The following LRRC9 variants were observed in gnomAD, a reference collection of about 807,000 sequenced individuals.
The protein encoded by LRRC9 is leucine-rich repeat-containing protein 9.
In LRRC9, 122 loss-of-function variants were observed where a neutral mutation model predicts 63.2. The observed-to-expected ratio is 1.93, with a 90% confidence interval of 1.67 to 2.24. The LOEUF is 2.24. LRRC9 is among the 30% of genes most tolerant of loss of function. LRRC9 has a pLI of 0.00. For synonymous variants in LRRC9, 366 were observed against 213.1 expected (o/e 1.72, Z -6.25); for missense variants, 1,071 against 627.7 (o/e 1.71, Z -7.55).
chr14:60,025,697 A>C (rs924349379), intron 27 of LRRC9, among the ~76,000 whole-genome samples: 4 of 151,794 alleles, frequency 2.6e-5, no homozygotes, highest in Non-Finnish European at 5.9e-5. Context: ...AAAAAAAAGA[A>C]AGTGACATTC....
At chr14:60,037,138 G>A (rs1892510459) in intron 29 of LRRC9, among the ~76,000 whole-genome samples, 1 of 152,108 alleles carries the variant, frequency 6.6e-6, no homozygotes, top group African/African-American at 2.4e-5. Flanking sequence ...GTGTATATGT[G>A]CCACATTTTC....
At chr14:59,996,696 A>G (rs1888829738) in intron 17 of LRRC9, among the ~76,000 whole-genome samples, 1 of 152,220 alleles carries the variant, frequency 6.6e-6, no homozygotes, top group Admixed American at 6.5e-5. Flanking sequence ...GTATTTGAGA[A>G]AATGGGTATT....
Position 60,058,713 on chromosome 14 carries a change from C to T in LRRC9, c.4276+691C>T, listed in dbSNP as rs2140462714. 6.6e-6 allele frequency among the ~76,000 whole-genome samples: 1 copy of T among 152,246 alleles called. No individual in the cohort carries two copies. Among genetic ancestry groups the T allele is most frequent in the South Asian group, 2.1e-4 (1 of 4,828 alleles). On this transcript the variant is annotated intron_variant, in intron 31 of 31. Coordinates refer to ENST00000445360, the Ensembl canonical transcript of LRRC9. This position sits in a 1 kb window ranked among gnomAD's most constrained non-coding sequence, Gnocchi z 4.4. The stretch of plus-strand genomic sequence containing the variant: ...TCACCTCTTCCAGTCCTTCTGACTT[C>T]CCATTTGTCCTCAGACCACTCTTAG...
chr14:60,009,088 T>C (rs986270339), intron 23 of LRRC9, among the ~76,000 whole-genome samples: 3 of 152,234 alleles, frequency 2.0e-5, no homozygotes, highest in African/African-American at 7.2e-5. Flanking sequence ...AAGATGTTGT[T>C]GAGGATCTTA....
chr14:59,938,288 T>G lies in LRRC9; in HGVS notation c.544-102T>G, dbSNP rs1018765534. On this transcript the variant is annotated intron_variant, in intron 6 of 31. Transcript: ENST00000445360. This position sits in a 1 kb window ranked among gnomAD's most constrained non-coding sequence, Gnocchi z 4.2. ...AATCACTTTAATGTATTTAAGCGCA[T>G]AATTAGAATGCATTAGACTATGGCT... The G allele has an allele frequency of 6.0e-6, 3 of 504,034 alleles. No homozygotes were observed. In the African/African-American group the frequency reaches 6.0e-5, roughly 10 times the overall value. 31.2% of individuals were successfully genotyped at this position (504,034 alleles called of 1,614,324 possible).
chr14:59,928,992 C>A (rs1269473002), intron 3 of LRRC9, among the ~76,000 whole-genome samples: 1 of 152,074 alleles, frequency 6.6e-6, no homozygotes, highest in African/African-American at 2.4e-5. Flanking sequence ...TAGGCAATAT[C>A]ATTCTGGACA....
exon 24 of LRRC9, chr14:60,016,714 G>A (rs766027508): frequency 1.4e-6 from 1 of 701,400 alleles, no homozygotes; most frequent in Non-Finnish European, 2.6e-6. Flanking sequence ...ACTTACTTCT[G>A]ACATGATTGC....
Position 60,058,586 on chromosome 14 carries a change from T to A in LRRC9, c.4276+564T>A. ...CATGGAAGTGGTTTATTCTGCTATA[T>A]AAATTTTAGTTCAAGTTTAGAATAA... On this transcript the variant is annotated intron_variant, in intron 31 of 31. Transcript: ENST00000445360. This position sits in a 1 kb window ranked among gnomAD's most constrained non-coding sequence, Gnocchi z 4.4. Among the ~76,000 whole-genome samples the A allele has an allele frequency of 6.6e-6, 1 of 152,296 alleles. No individual in the cohort carries two copies. The highest frequency in any genetic ancestry group is 1.9e-4 in the East Asian group (1 of 5,186).
chr14:59,930,549 T>C lies in LRRC9; in HGVS notation c.268-369T>C, dbSNP rs2139776849. On this transcript the variant is annotated intron_variant, in intron 3 of 31. Coordinates refer to ENST00000445360, the Ensembl canonical transcript of LRRC9. The surrounding 1 kb of genome is among the most constrained non-coding windows in gnomAD (Gnocchi z 4.9). ...ATTTAAAGAGTCCCACAAAATTGTG[T>C]GTGCATTAGGATTATAAAGTGCTTA... Among the ~76,000 whole-genome samples the C allele has an allele frequency of 6.6e-6, 1 of 152,014 alleles. No homozygotes were observed. Among genetic ancestry groups the C allele is most frequent in the South Asian group, 2.1e-4 (1 of 4,818 alleles).
chr14:60,057,109 A>G (rs985287080), intron 30 of LRRC9, among the ~76,000 whole-genome samples: 4 of 152,180 alleles, frequency 2.6e-5, no homozygotes, highest in African/African-American at 9.6e-5. Flanking sequence ...GTATGAGGTT[A>G]AATAGGTAAT....
rs1488385804 is a variant in LRRC9, at chr14:59,967,332, T to C, written c.1506+119T>C. On this transcript the variant is annotated intron_variant, in intron 12 of 31. Transcript: ENST00000445360. ...TTTATAGTAAATTTCTACTGCTGTTTCACAAAAAGCTTAGTGTTATCATGG... is the reference window on the plus strand; with the variant it reads ...TTTATAGTAAATTTCTACTGCTGTTCCACAAAAAGCTTAGTGTTATCATGG... 6.4e-6 allele frequency: 3 copies of C among 465,496 alleles called. No homozygotes were observed. In the East Asian group the frequency reaches 8.9e-5, roughly 14 times the overall value. 28.8% of individuals were successfully genotyped at this position (465,496 alleles called of 1,614,324 possible).
At chr14:59,947,193 A>G (rs955039089) in intron 8 of LRRC9, among the ~76,000 whole-genome samples, 1 of 151,398 alleles carries the variant, frequency 6.6e-6, no homozygotes, top group Non-Finnish European at 1.5e-5. Flanking sequence ...TTTAATGATC[A>G]CCATTCTAAC....
chr14:59,930,958 T>G lies in LRRC9; in HGVS notation c.308T>G (p.Leu103Arg). ...CAAGAATGTAGAAATTTGGAAAAAC[T>G]ATATTTATATTTTAATAAAATTTCC... The change falls in exon 4 of 32, where the codon CTA becomes CGA. Residue 103 changes from leucine (L) to arginine (R), a missense_variant. By Grantham distance (102) the Leu-to-Arg change is moderately radical. Transcript: ENST00000445360. The surrounding 1 kb of genome is among the most constrained non-coding windows in gnomAD (Gnocchi z 4.9). The G allele has an allele frequency of 2.2e-6, 1 of 451,826 alleles. No homozygotes were observed. Among genetic ancestry groups the G allele is most frequent in the South Asian group, 2.9e-5 (1 of 34,176 alleles). The allele number at this position is 451,826 out of a possible 1,614,324, so 28.0% of individuals were successfully genotyped here. A position where few individuals can be genotyped will look rare whatever the true frequency, so the allele number is the denominator to read the frequency against.
intron 27 of LRRC9, among the ~76,000 whole-genome samples, chr14:60,026,186 T>TAAAAGCAC (rs1891538034): frequency 2.0e-5 from 3 of 152,112 alleles, no homozygotes; most frequent in African/African-American, 7.2e-5. Context: ...TGTATGTGCT[T>TAAAAGCAC]ACTTAAAAGT....
At chr14:60,049,822 T>TTC (rs1378307976) in intron 29 of LRRC9, among the ~76,000 whole-genome samples, 4 of 152,224 alleles carry the variant, frequency 2.6e-5, no homozygotes, top group African/African-American at 9.6e-5. Flanking sequence ...GTTGGGGAAG[T>TTC]TCTCCTAGAT....
intron 27 of LRRC9, among the ~76,000 whole-genome samples, chr14:60,025,041 G>T (rs1566886539): frequency 1.3e-5 from 2 of 148,346 alleles, no homozygotes; most frequent in Admixed American, 1.3e-4. Context: ...TTGTTTTTGT[G>T]TTTTTTTCGG....
intron 16 of LRRC9, 122 bp from the exon 17 acceptor site, chr14:59,984,983 C>G: frequency 2.3e-6 from 1 of 428,636 alleles, no homozygotes; most frequent in African/African-American, 2.0e-5. Flanking sequence ...AAAATAACTG[C>G]TTTCTTATTT....
intron 15 of LRRC9, among the ~76,000 whole-genome samples, chr14:59,980,077 T>A (rs894330223): frequency 3.9e-5 from 6 of 152,314 alleles, no homozygotes; most frequent in African/African-American, 1.4e-4. Flanking sequence ...GGATTCTGAA[T>A]TTTATGTCTT....
chr14:59,976,374 T>G (rs1000624363), intron 13 of LRRC9, among the ~76,000 whole-genome samples: 1 of 152,224 alleles, frequency 6.6e-6, no homozygotes, highest in African/African-American at 2.4e-5. Context: ...ACCACTGTAC[T>G]AAAGATTGGG....
Sources: allele counts gnomAD v4.1 joint callset (sites outside exome capture counted in the v4.1 genomes callset), GRCh38; gene constraint gnomAD v4.1.1; non-coding constraint Gnocchi (gnomAD v3.1); transcripts MANE v1.5; gene names NCBI Gene and HGNC (gene_info 2026-07-23, HGNC 2026-07-21).